KCNIP4: variants seen among roughly 807,000 people sequenced by gnomAD.
KCNIP4 encodes the protein Kv channel-interacting protein 4.
In KCNIP4, 12 loss-of-function variants were observed where a neutral mutation model predicts 34.0. The observed-to-expected ratio is 0.35, with a 90% CI of 0.23 to 0.57. The LOEUF is 0.57. KCNIP4 is among the 20% of genes least tolerant of loss of function. The pLI is 0.83. For synonymous variants in KCNIP4, 124 were observed against 102.2 expected, an observed-to-expected ratio of 1.21 and a Z score of -1.29; for missense variants, 238 against 311.7, an observed-to-expected ratio of 0.76 and a Z score of 1.78.
At chr4:20,898,981 C>T (rs925928016) in intron 1 of KCNIP4, among the ~76,000 whole-genome samples, 20 of 152,132 alleles carry the variant, frequency 1.3e-4, no homozygotes, top group Non-Finnish European at 4.4e-5. Context: ...TCTCCTATAC[C>T]GCTCAGCATA....
chr4:21,403,149 C>G (rs1234345036), intron 1 of KCNIP4, among the ~76,000 whole-genome samples: 1 of 152,168 alleles, frequency 6.6e-6, no homozygotes, highest in African/African-American at 2.4e-5. Context: ...GTAAGATACT[C>G]TTGACAAAGC....
At chr4:21,387,663 C>T (rs1722154254) in intron 1 of KCNIP4, among the ~76,000 whole-genome samples, 1 of 152,090 alleles carries the variant, frequency 6.6e-6, no homozygotes, top group Non-Finnish European at 1.5e-5. Flanking sequence ...ATCATTTTGG[C>T]TTGCTTGGGA....
At chr4:21,280,191 C>T (rs1762692985) in intron 1 of KCNIP4, among the ~76,000 whole-genome samples, 1 of 152,238 alleles carries the variant, frequency 6.6e-6, no homozygotes, top group South Asian at 2.1e-4. Flanking sequence ...GCATATGATG[C>T]AAAAGAAGGA....
chr4:20,859,628 T>C (rs1721977890), intron 2 of KCNIP4, among the ~76,000 whole-genome samples: 1 of 152,044 alleles, frequency 6.6e-6, no homozygotes, highest in Admixed American at 6.6e-5. Flanking sequence ...ATTCAAATCA[T>C]CTAGGAACAA....
At chr4:21,718,122 C>T (rs2038188377) in intron 1 of KCNIP4, among the ~76,000 whole-genome samples, 1 of 148,148 alleles carries the variant, frequency 6.8e-6, no homozygotes. Flanking sequence ...TGACAGTGTA[C>T]CAAGTGTCAT....
chr4:21,291,089 A>G (rs752841837), intron 1 of KCNIP4, among the ~76,000 whole-genome samples: 181 of 152,148 alleles, frequency 1.2e-3, no homozygotes, highest in African/African-American at 4.2e-3. Context: ...AGCATGTTCC[A>G]TTTCAACCCA....
chr4:21,843,326 T>G (rs991355880), intron 1 of KCNIP4: 5 of 152,094 alleles, frequency 3.3e-5, no homozygotes, highest in Admixed American at 2.0e-4. Flanking sequence ...TAACTGATAT[T>G]TTCATTTCCA....
At chr4:21,138,857 A>G (rs1577764665) in intron 1 of KCNIP4, among the ~76,000 whole-genome samples, 1 of 152,180 alleles carries the variant, frequency 6.6e-6, no homozygotes, top group African/African-American at 2.4e-5. Context: ...GAGTGCGGGC[A>G]GCCTGGAGAG....
intron 3 of KCNIP4, among the ~76,000 whole-genome samples, chr4:20,783,224 G>T (rs1757018384): frequency 1.3e-5 from 2 of 152,082 alleles, no homozygotes; most frequent in South Asian, 4.2e-4. Context: ...ACATTTTCCT[G>T]TCATCTTCTG....
intron 1 of KCNIP4, among the ~76,000 whole-genome samples, chr4:21,236,618 T>C (rs899578292): frequency 2.0e-5 from 3 of 152,178 alleles, no homozygotes; most frequent in African/African-American, 7.2e-5. Context: ...TCCAATAAGC[T>C]ATATCTGGTA....
chr4:21,618,742 C>T (rs1744788568), intron 1 of KCNIP4, among the ~76,000 whole-genome samples: 2 of 150,084 alleles, frequency 1.3e-5, no homozygotes, highest in Non-Finnish European at 3.0e-5. Context: ...ACGCCATTCT[C>T]CTGCCTCAGC....
chr4:21,413,883 C>G (rs1724721117), intron 1 of KCNIP4, among the ~76,000 whole-genome samples: 1 of 152,112 alleles, frequency 6.6e-6, no homozygotes, highest in Admixed American at 6.6e-5. Flanking sequence ...TTAGTCTTTC[C>G]CCCAAACCAC....
chr4:20,729,951 A>AAAAG lies in KCNIP4; in HGVS notation c.*130_*131insCTTT, dbSNP rs1553882197. On this transcript the variant is annotated 3_prime_UTR_variant, in exon 9 of 9. Transcript: ENST00000382152. ...AATCTTTTGGGGATTGCTTTATATT[A>AAAAG]AAACAAAGCTTGTTTGCATAATATG... 17 of 1,107,556 alleles carry AAAAG rather than the reference A, an allele frequency of 1.5e-5. No homozygotes were observed. The Admixed American group carries it at 1.6e-4, about 10-fold the overall frequency. The allele number at this position is 1,107,556 out of a possible 1,614,324, so 68.6% of individuals were successfully genotyped here.
intron 1 of KCNIP4, among the ~76,000 whole-genome samples, chr4:21,104,052 C>T (rs1311723451): frequency 2.0e-5 from 3 of 149,752 alleles, no homozygotes; most frequent in African/African-American, 7.5e-5. Context: ...CATACATGTC[C>T]TTGTCTCTTT....
chr4:21,249,240 A>G (rs1278721953), intron 1 of KCNIP4, among the ~76,000 whole-genome samples: 1 of 152,166 alleles, frequency 6.6e-6, no homozygotes, highest in South Asian at 2.1e-4. Context: ...ATACATACAT[A>G]CATATAACCA....
At chr4:21,073,848 G>T (rs933336053) in intron 1 of KCNIP4, among the ~76,000 whole-genome samples, 2 of 152,050 alleles carry the variant, frequency 1.3e-5, no homozygotes, top group Admixed American at 1.3e-4. Context: ...TAGCATGAAG[G>T]GCTGTTGAAT....
chr4:20,754,143 C>G (rs1754107392), intron 4 of KCNIP4, among the ~76,000 whole-genome samples: 1 of 152,268 alleles, frequency 6.6e-6, no homozygotes, highest in South Asian at 2.1e-4. Context: ...ACCGTTTCCT[C>G]TCTGCTTGCC....
chr4:21,823,021 A>G (rs1008426765), intron 1 of KCNIP4, among the ~76,000 whole-genome samples: 52 of 152,236 alleles, frequency 3.4e-4, no homozygotes, highest in African/African-American at 1.2e-3. Flanking sequence ...TAATTTTTAC[A>G]TAAATAAAAT....
At chr4:21,332,692 A>C (rs975942923) in intron 1 of KCNIP4, among the ~76,000 whole-genome samples, 4 of 151,970 alleles carry the variant, frequency 2.6e-5, no homozygotes, top group Non-Finnish European at 5.9e-5. Context: ...CATTTCCTGT[A>C]ATGTATTACA....
Sources: allele counts gnomAD v4.1 joint callset (sites outside exome capture counted in the v4.1 genomes callset), GRCh38; gene constraint gnomAD v4.1.1; transcripts MANE v1.5; gene names NCBI Gene and HGNC (gene_info 2026-07-23, HGNC 2026-07-21).